CACNA1C: variants seen among roughly 807,000 people sequenced by gnomAD.
CACNA1C encodes calcium voltage-gated channel subunit alpha1 C, also known as voltage-dependent L-type calcium channel subunit alpha-1C.
Under a neutral mutation model 229.0 loss-of-function variants are expected in CACNA1C, and 30 were observed. The observed-to-expected ratio is 0.13, with a 90% CI of 0.10 to 0.18. The LOEUF (loss-of-function observed/expected upper bound fraction) is 0.18, where lower values mean the gene tolerates loss of function less well. Among genes scored for constraint, CACNA1C ranks in the 10% least tolerant of loss-of-function variants. The pLI is 1.00. For synonymous variants in CACNA1C, 1,114 were observed against 1,132.5 expected (o/e 0.98, Z 0.33); for missense variants, 1,658 against 2,845.0 (o/e 0.58, Z 9.49).
chr12:2,449,609 GA>G (rs2099338307), intron 4 of CACNA1C, among the ~76,000 whole-genome samples: 1 of 152,210 alleles, frequency 6.6e-6, no homozygotes, highest in African/African-American at 2.4e-5. Flanking sequence ...TTTGAATTCA[GA>G]CTTCCCCAGA....
chr12:2,001,203 A>G (rs1405436636), intron 1 of CACNA1C, among the ~76,000 whole-genome samples: 1 of 152,112 alleles, frequency 6.6e-6, no homozygotes, highest in Non-Finnish European at 1.5e-5. Flanking sequence ...CTCCATAGTT[A>G]TCCAAGGGCA....
At chr12:2,184,057 G>T (rs1368328858) in intron 3 of CACNA1C, among the ~76,000 whole-genome samples, 2 of 152,154 alleles carry the variant, frequency 1.3e-5, no homozygotes, top group African/African-American at 4.8e-5. Context: ...TTTTCTGCAG[G>T]AATCTCCTCT....
intron 3 of CACNA1C, among the ~76,000 whole-genome samples, chr12:2,426,754 T>C (rs192763750): frequency 6.6e-6 from 1 of 152,332 alleles, no homozygotes; most frequent in East Asian, 1.9e-4. Context: ...TTGCTAGAGA[T>C]AGGCAGTTCA....
chr12:2,164,918 C>T (rs557258385), intron 3 of CACNA1C, among the ~76,000 whole-genome samples: 2 of 152,316 alleles, frequency 1.3e-5, no homozygotes, highest in South Asian at 2.1e-4. Context: ...GGGAAAGAAG[C>T]AGAGGGGTGT....
intron 3 of CACNA1C, among the ~76,000 whole-genome samples, chr12:2,151,890 G>A (rs2095293114): frequency 6.6e-6 from 1 of 152,228 alleles, no homozygotes; most frequent in Non-Finnish European, 1.5e-5. Flanking sequence ...TGCTTGCCAG[G>A]TATATCTGAG....
chr12:2,289,568 T>C (rs1223358698), intron 3 of CACNA1C, among the ~76,000 whole-genome samples: 3 of 152,088 alleles, frequency 2.0e-5, no homozygotes, highest in Non-Finnish European at 2.9e-5. Context: ...CAAATATTTA[T>C]TGAGTGCCTA....
intron 1 of CACNA1C, among the ~76,000 whole-genome samples, chr12:2,103,461 A>G (rs1213470442): frequency 6.6e-6 from 1 of 152,002 alleles, no homozygotes; most frequent in Non-Finnish European, 1.5e-5. Context: ...AGTTCTTTGT[A>G]GATTCTGGAT....
At chr12:2,378,594 CAT>C (rs947937172) in intron 3 of CACNA1C, among the ~76,000 whole-genome samples, 1 of 152,164 alleles carries the variant, frequency 6.6e-6, no homozygotes, top group African/African-American at 2.4e-5. Flanking sequence ...TAAAAACAAT[CAT>C]AAAATTCACA....
intron 3 of CACNA1C, among the ~76,000 whole-genome samples, chr12:2,141,494 G>C (rs2094183579): frequency 6.6e-6 from 1 of 151,350 alleles, no homozygotes; most frequent in Non-Finnish European, 1.5e-5. Flanking sequence ...AGGCTCTTGT[G>C]AGGTGTTTTC....
chr12:2,113,134 T>TCTCACCTGC (rs1190073286), intron 1 of CACNA1C, among the ~76,000 whole-genome samples: 19 of 152,154 alleles, frequency 1.2e-4, no homozygotes, highest in African/African-American at 3.4e-4. Flanking sequence ...GCCACACCTG[T>TCTCACCTGC]CTCACCTGCC....
At chr12:2,358,263 G>C (rs1224906659) in intron 3 of CACNA1C, among the ~76,000 whole-genome samples, 1 of 75,932 alleles carries the variant, frequency 1.3e-5, no homozygotes, top group Non-Finnish European at 2.6e-5. Flanking sequence ...GTGTGTGTGT[G>C]TGTGTGTGTG....
rs899352015 is a variant in CACNA1C, at chr12:2,653,643, G to A, written c.4075-192G>A. On this transcript the variant is annotated intron_variant, in intron 32 of 46. Transcript: ENST00000399655. The surrounding 1 kb of genome is among the most constrained non-coding windows in gnomAD (Gnocchi z 4.7). ...CCTGCTTTGAAAACCAAGCTGAAAT[G>A]GGAAGTCAGTTCCGGTTTCTCAGAC... 6.6e-6 allele frequency among the ~76,000 whole-genome samples: 1 copy of A among 152,190 alleles called. No homozygotes were observed. Among genetic ancestry groups the A allele is most frequent in the Non-Finnish European group, 1.5e-5 (1 of 68,034 alleles).
intron 3 of CACNA1C, among the ~76,000 whole-genome samples, chr12:2,389,360 C>T (rs540722952): frequency 1.1e-4 from 17 of 152,028 alleles, no homozygotes; most frequent in African/African-American, 1.7e-4. Context: ...TGGAGACAAG[C>T]GTCTGAACTC....
intron 3 of CACNA1C, among the ~76,000 whole-genome samples, chr12:2,310,483 G>A (rs1020693990): frequency 1.3e-5 from 2 of 152,040 alleles, no homozygotes; most frequent in African/African-American, 4.8e-5. Context: ...TGAAATTCTG[G>A]TTTGTTTAGA....
Position 2,655,258 on chromosome 12 carries a change from G to A in CACNA1C, c.4232+20G>A. 6.8e-7 allele frequency: 1 copy of A among 1,467,894 alleles called. No individual in the cohort carries two copies. Among genetic ancestry groups the A allele is most frequent in the South Asian group, 1.1e-5 (1 of 87,294 alleles). 90.9% of individuals were successfully genotyped at this position (1,467,894 alleles called of 1,614,324 possible). A position where few individuals can be genotyped will look rare whatever the true frequency, so the allele number is the denominator to read the frequency against. On this transcript the variant is annotated intron_variant, in intron 34 of 46. Coordinates refer to ENST00000399655, the MANE Select transcript of CACNA1C (RefSeq NM_000719.7). The stretch of plus-strand genomic sequence containing the variant: ...CTTCAGGTGGGTCCCTGAAGACATA[G>A]GTGCACAGATACACACACACCTGCA...
At chr12:2,237,161 G>A (rs185040812) in intron 3 of CACNA1C, among the ~76,000 whole-genome samples, 12 of 152,218 alleles carry the variant, frequency 7.9e-5, no homozygotes, top group Non-Finnish European at 1.6e-4. Flanking sequence ...CCCTTGGGGG[G>A]AAATCTTAAT....
intron 3 of CACNA1C, among the ~76,000 whole-genome samples, chr12:2,229,454 G>C (rs938058346): frequency 1.3e-5 from 2 of 152,166 alleles, no homozygotes; most frequent in African/African-American, 4.8e-5. Flanking sequence ...GTGTCAGGGA[G>C]TTAGCAATAA....
At chr12:2,572,759 CCTT>C (rs1384088522) in intron 13 of CACNA1C, among the ~76,000 whole-genome samples, 1 of 116,356 alleles carries the variant, frequency 8.6e-6, no homozygotes, top group Non-Finnish European at 1.8e-5. Flanking sequence ...TCTTCCTCCT[CCTT>C]CTTCTGTTCC....
intron 29 of CACNA1C, among the ~76,000 whole-genome samples, chr12:2,627,696 C>T (rs991022000): frequency 3.3e-5 from 5 of 152,092 alleles, no homozygotes; most frequent in Non-Finnish European, 5.9e-5. Flanking sequence ...CCCTCAGCGC[C>T]ACCCCACCGT....
Sources: allele counts gnomAD v4.1 joint callset (sites outside exome capture counted in the v4.1 genomes callset), GRCh38; gene constraint gnomAD v4.1.1; non-coding constraint Gnocchi (gnomAD v3.1); transcripts MANE v1.5; gene names NCBI Gene and HGNC (gene_info 2026-07-23, HGNC 2026-07-21).